The following NUCB2 variants were observed in gnomAD, a reference collection of about 807,000 sequenced individuals.
NUCB2 encodes nucleobindin-2.
In NUCB2, 48 loss-of-function variants were observed where a neutral mutation model predicts 57.9. That is an observed-to-expected ratio of 0.83 (90% confidence interval 0.66 to 1.05). The LOEUF is 1.05. Among genes scored for constraint, NUCB2 ranks in the 50% least tolerant of loss-of-function variants. The pLI is 0.00. For synonymous variants in NUCB2, 139 were observed against 152.1 expected (o/e 0.91, Z 0.64); for missense variants, 442 against 476.2 (o/e 0.93, Z 0.67).
intron 2 of NUCB2, among the ~76,000 whole-genome samples, chr11:17,340,951 G>T (rs1202610756): frequency 2.0e-5 from 3 of 152,138 alleles, no homozygotes; most frequent in African/African-American, 7.2e-5. Context: ...TTCCTACCCA[G>T]GAGCATGGAA....
chr11:17,336,807 G>GT (rs892283032), downstream of NUCB2, among the ~76,000 whole-genome samples: 15 of 137,162 alleles, frequency 1.1e-4, no homozygotes, highest in South Asian at 7.3e-4. Flanking sequence ...ATAGATATAT[G>GT]TTTTTTATGC....
At chr11:17,343,560 T>A (rs898788436) in intron 2 of NUCB2, among the ~76,000 whole-genome samples, 1 of 152,222 alleles carries the variant, frequency 6.6e-6, no homozygotes, top group African/African-American at 2.4e-5. Context: ...CATGCTGTCC[T>A]CCATTGTTAA....
In NUCB2 at chr11:17,317,283, A is replaced by G. The variant is rs376480088; in HGVS notation, c.1002+1808A>G. Among the ~76,000 whole-genome samples, 52 of 152,204 alleles carry G rather than the reference A, an allele frequency of 3.4e-4. 1 individual carries two copies. The South Asian group carries it at 0.011, about 31-fold the overall frequency. ...AACATATAATTATGTTGTAATGTAT[A>G]TACTTATGTATATGTTATGTATATA... On this transcript the variant is annotated intron_variant, in intron 11 of 13. Transcript: ENST00000529010.
chr11:17,306,660 T>A (rs533585199), intron 5 of NUCB2, among the ~76,000 whole-genome samples: 61 of 152,302 alleles, frequency 4.0e-4, no homozygotes, highest in African/African-American at 1.3e-3. Context: ...CTCACACCTG[T>A]AATCCCAGCA....
intron 2 of NUCB2, among the ~76,000 whole-genome samples, chr11:17,292,963 G>A: frequency 6.6e-6 from 1 of 152,140 alleles, no homozygotes; most frequent in East Asian, 1.9e-4. Context: ...ACTTCAAGAT[G>A]TTGTCAGCGG....
At chr11:17,289,038 C>T (rs1443659687) in intron 2 of NUCB2, among the ~76,000 whole-genome samples, 1 of 149,680 alleles carries the variant, frequency 6.7e-6, no homozygotes, top group East Asian at 2.0e-4. Flanking sequence ...CTCACTGCAA[C>T]CTTTGCCTCC....
At chr11:17,346,734 CAT>C (rs1407862640) in intron 2 of NUCB2, among the ~76,000 whole-genome samples, 3 of 152,110 alleles carry the variant, frequency 2.0e-5, no homozygotes, top group African/African-American at 7.2e-5. Context: ...CAAATATCAA[CAT>C]GTTATATAAC....
intron 13 of NUCB2, 195 bp downstream of exon 13, chr11:17,331,178 A>G: frequency 1.8e-6 from 1 of 567,600 alleles, no homozygotes. Flanking sequence ...GCAAATTTTA[A>G]GTGCTGTATC....
chr11:17,285,336 AG>A (rs1472713647), intron 2 of NUCB2, among the ~76,000 whole-genome samples: 1 of 152,210 alleles, frequency 6.6e-6, no homozygotes, highest in Admixed American at 6.5e-5. Context: ...GCACTTTGGG[AG>A]GCCGAGGCGG....
intron 4 of NUCB2, among the ~76,000 whole-genome samples, chr11:17,298,081 C>CAA (rs34329500): frequency 4.2e-4 from 35 of 82,606 alleles, no homozygotes; most frequent in East Asian, 7.0e-4. Context: ...GACTTCGTCT[C>CAA]AAAAAAAAAA....
chr11:17,348,351 T>G (rs1255653837), intron 2 of NUCB2, among the ~76,000 whole-genome samples: 1 of 64,676 alleles, frequency 1.5e-5, no homozygotes, highest in African/African-American at 5.3e-5. Flanking sequence ...TTTTTTTTTT[T>G]GGAGACAGAG....
chr11:17,288,837 G>A (rs1435394249), intron 2 of NUCB2, among the ~76,000 whole-genome samples: 3 of 142,692 alleles, frequency 2.1e-5, no homozygotes, highest in African/African-American at 5.2e-5. Context: ...TTACAGGCAT[G>A]AGCCACCGTG....
Position 17,319,267 on chromosome 11 carries a change from T to A in NUCB2, c.1002+3792T>A, listed in dbSNP as rs752770952. Among the ~76,000 whole-genome samples, 48 of 152,228 alleles carry A rather than the reference T, an allele frequency of 3.2e-4. 1 individual carries two copies. Among genetic ancestry groups the A allele is most frequent in the Non-Finnish European group, 7.3e-5 (5 of 68,038 alleles). On this transcript the variant is annotated intron_variant, in intron 11 of 13. Transcript: ENST00000529010. Reference sequence around the variant, plus strand: ...AGCTCTAATCTTTACCATCATTATTTCCATACTCAAATTGTCCCAGACTTG... The same window carrying A: ...AGCTCTAATCTTTACCATCATTATTACCATACTCAAATTGTCCCAGACTTG...
At position 17,315,413 on chromosome 11, in the gene NUCB2, ACT is replaced by A. The variant is rs1214342453; in HGVS notation, c.943_944del (p.Leu315GlyfsTer17). Reference sequence around the variant, plus strand: ...TGATACTAACAAAGACAGATTGGTGACTCTGGAGGAGTTTTTGAAAGCCACAG... The same window carrying A: ...TGATACTAACAAAGACAGATTGGTGACTGGAGGAGTTTTTGAAAGCCACAG... ...EVDTNKDRLVTLEEFLKATEK... is the reference protein window; with the variant it reads ...EVDTNKDRLVXLEEFLKATEK... On this transcript the variant is annotated frameshift_variant, in exon 11 of 14. Coordinates refer to ENST00000529010, the MANE Select transcript of NUCB2 (RefSeq NM_005013.4). LOFTEE classifies it high-confidence loss of function. The A allele has an allele frequency of 6.2e-7, 1 of 1,610,152 alleles. No individual in the cohort carries two copies. Among genetic ancestry groups the A allele is most frequent in the South Asian group, 1.1e-5 (1 of 90,654 alleles).
chr11:17,329,666 A>G (rs1951142156), intron 11 of NUCB2, among the ~76,000 whole-genome samples: 1 of 152,172 alleles, frequency 6.6e-6, no homozygotes, highest in African/African-American at 2.4e-5. Context: ...AATGGGAGAG[A>G]GGTGGCATAG....
intron 1 of NUCB2, among the ~76,000 whole-genome samples, chr11:17,280,323 A>G (rs1226292099): frequency 6.6e-6 from 1 of 152,200 alleles, no homozygotes; most frequent in Non-Finnish European, 1.5e-5. Flanking sequence ...AGGCTCTAAG[A>G]TCTATACTAA....
Position 17,312,122 on chromosome 11 carries a change from T to C in NUCB2, c.912+2T>C. On this transcript the variant is annotated splice_donor_variant, in intron 10 of 13. Transcript: ENST00000529010. LOFTEE classifies it high-confidence loss of function. ...ATGAGGGAACATGTAATGAATGAGG[T>C]ATGTTTTAAAAGTTTAAGATAATAT... The C allele has an allele frequency of 7.3e-7, 1 of 1,369,490 alleles. No individual in the cohort carries two copies. Among genetic ancestry groups the C allele is most frequent in the African/African-American group, 1.5e-5 (1 of 68,874 alleles). The allele number at this position is 1,369,490 out of a possible 1,614,324, so 84.8% of individuals were successfully genotyped here.
At chr11:17,290,403 C>A (rs1180995533) in intron 2 of NUCB2, among the ~76,000 whole-genome samples, 1 of 152,104 alleles carries the variant, frequency 6.6e-6, no homozygotes, top group Non-Finnish European at 1.5e-5. Context: ...TGGCTAATTA[C>A]AATTTTCATA....
At chr11:17,288,202 A>G (rs1247160788) in intron 2 of NUCB2, among the ~76,000 whole-genome samples, 1 of 152,232 alleles carries the variant, frequency 6.6e-6, no homozygotes, top group African/African-American at 2.4e-5. Context: ...ATGATGTGAG[A>G]AAAATCTATG....
Sources: gnomAD v4.1 joint callset for allele counts (sites outside exome capture counted in the v4.1 genomes callset) on GRCh38, gnomAD v4.1.1 for gene constraint, MANE v1.5 for transcripts, NCBI Gene and HGNC (gene_info 2026-07-23, HGNC 2026-07-21) for gene names.